Variants in PTPRS observed in about 807,000 individuals in gnomAD.
PTPRS encodes the protein receptor-type tyrosine-protein phosphatase S.
PTPRS carries 63 observed loss-of-function variants against 215.3 expected under a neutral mutation model. That is an observed-to-expected ratio of 0.29 (90% CI 0.24 to 0.36). PTPRS has a LOEUF of 0.36. Among genes scored for constraint, PTPRS ranks in the 10% least tolerant of loss-of-function variants. The pLI is 1.00. For missense variants in PTPRS, 2,258 were observed against 2,825.8 expected (o/e 0.80, Z 4.56); for synonymous variants, 1,404 against 1,191.4 (o/e 1.18, Z -3.68).
At position 5,332,286 on chromosome 19, in the gene PTPRS, C is replaced by T. The variant is rs537819921; in HGVS notation, c.-95+8378G>A. Among the ~76,000 whole-genome samples the T allele has an allele frequency of 2.6e-4, 40 of 152,236 alleles. No individual in the cohort carries two copies. In the South Asian group the frequency reaches 4.2e-3, roughly 16 times the overall value. ...GCGATTACAGGTATGCACCACCATG[C>T]CCAGATTATTTTTGTATTTTTAGTA... On this transcript the variant is annotated intron_variant, in intron 1 of 37. Transcript: ENST00000262963.
At chr19:5,213,716 T>TCCATGTAC (rs2041149025) in intron 30 of PTPRS, among the ~76,000 whole-genome samples, 5 of 152,176 alleles carry the variant, frequency 3.3e-5, no homozygotes, top group Non-Finnish European at 7.3e-5. Context: ...GTACTCAGTT[T>TCCATGTAC]TCTGGCACTT....
intron 13 of PTPRS, among the ~76,000 whole-genome samples, chr19:5,236,816 G>A (rs372648108): frequency 6.0e-4 from 91 of 150,624 alleles, no homozygotes; most frequent in Non-Finnish European, 1.0e-3. Flanking sequence ...AAAGGTGCCC[G>A]GGGGGTGCGG....
At chr19:5,311,932 G>A (rs774160938) in intron 1 of PTPRS, among the ~76,000 whole-genome samples, 1 of 151,912 alleles carries the variant, frequency 6.6e-6, no homozygotes. Flanking sequence ...CCCAGCTACT[G>A]GGGAGGCTGA....
intron 1 of PTPRS, among the ~76,000 whole-genome samples, chr19:5,297,854 A>G (rs539054037): frequency 6.2e-4 from 88 of 142,772 alleles, no homozygotes; most frequent in Middle Eastern, 7.2e-3. Flanking sequence ...GTGCAGTGGC[A>G]CGATCTCGGC....
chr19:5,335,332 T>C (rs1568626804), intron 1 of PTPRS, among the ~76,000 whole-genome samples: 1 of 152,184 alleles, frequency 6.6e-6, no homozygotes, highest in Admixed American at 6.5e-5. Context: ...GTACTGATCT[T>C]AGAGATGAGA....
chr19:5,208,014 C>T lies in PTPRS; in HGVS notation c.5686G>A (p.Val1896Met), dbSNP rs768615091. The T allele has an allele frequency of 8.1e-6, 13 of 1,613,854 alleles. No individual in the cohort carries two copies. The highest frequency in any genetic ancestry group is 1.7e-5 in the Admixed American group (1 of 60,010). ...CCTTCATACCGCATCCGCTCCAGCA[C>T]GATGCTAAGCGTGATGAAGACGCCC... is the stretch of plus-strand genomic sequence containing the variant. ...RTGVFITLSI[V>M]LERMRYEGVV... The change falls in exon 37 of 38, where the codon GTG becomes ATG. Residue 1896 changes from valine to methionine, a missense_variant. Transcript: ENST00000262963.
intron 9 of PTPRS, among the ~76,000 whole-genome samples, chr19:5,254,717 G>A (rs530273834): frequency 7.2e-5 from 11 of 152,274 alleles, no homozygotes; most frequent in South Asian, 2.1e-4. Context: ...GCCTGTGACC[G>A]GGCTCAGAGT....
intron 7 of PTPRS, among the ~76,000 whole-genome samples, chr19:5,259,963 C>T (rs2045856315): frequency 6.6e-6 from 1 of 152,146 alleles, no homozygotes. Flanking sequence ...CTAGGTCACA[C>T]AGCATTTGTA....
At chr19:5,238,087 A>C (rs1216052668) in intron 13 of PTPRS, among the ~76,000 whole-genome samples, 1 of 152,172 alleles carries the variant, frequency 6.6e-6, no homozygotes, top group Non-Finnish European at 1.5e-5. Context: ...GGGGGAGGCC[A>C]CGACAGAGAG....
intron 7 of PTPRS, among the ~76,000 whole-genome samples, chr19:5,259,115 C>T (rs537514783): frequency 3.3e-5 from 5 of 152,196 alleles, no homozygotes; most frequent in African/African-American, 1.2e-4. Flanking sequence ...GCTAAAATGC[C>T]CCAAGCCTGG....
At chr19:5,235,997 T>C (rs1423328050) in intron 13 of PTPRS, among the ~76,000 whole-genome samples, 1 of 152,232 alleles carries the variant, frequency 6.6e-6, no homozygotes, top group Non-Finnish European at 1.5e-5. Context: ...ATGTATTATC[T>C]CATTTAACGC....
chr19:5,272,300 T>TC (rs1355634733), intron 4 of PTPRS, among the ~76,000 whole-genome samples: 1 of 152,050 alleles, frequency 6.6e-6, no homozygotes, highest in Admixed American at 6.6e-5. Flanking sequence ...TGCGACTTGT[T>TC]CAAGAAATGC....
intron 7 of PTPRS, among the ~76,000 whole-genome samples, chr19:5,258,470 T>C (rs2045742379): frequency 1.3e-5 from 2 of 152,216 alleles, no homozygotes; most frequent in Admixed American, 6.5e-5. Flanking sequence ...GATGCTCTCC[T>C]GGCCAGAAGG....
rs756427032 is a variant in PTPRS at position 5,221,270 on chromosome 19, G to T, written c.3202-17C>A. 6.2e-7 allele frequency: 1 copy of T among 1,602,748 alleles called. No individual in the cohort carries two copies. The highest frequency in any genetic ancestry group is 1.1e-5 in the South Asian group (1 of 89,644). Reference sequence around the variant, plus strand: ...GTACTGGATCTGCGGACCAGGGCTAGCTCAGCAGGGCCTGGTGGGCTCATG... The same window carrying T: ...GTACTGGATCTGCGGACCAGGGCTATCTCAGCAGGGCCTGGTGGGCTCATG... On this transcript the variant is annotated splice_polypyrimidine_tract_variant and intron_variant, in intron 19 of 37. Transcript: ENST00000262963.
In PTPRS at chr19:5,222,841, G is replaced by A. The variant is rs776974729; in HGVS notation, c.2951C>T (p.Pro984Leu). The stretch of plus-strand genomic sequence containing the variant: ...CTCCGCGCCCGGCTCAGCCGCTGCC[G>A]GCAGCTCAGTCTCTCGGGCAGGGCC... ...ALGPARETEL[P>L]AAAEPGAENA... is the part of the protein sequence containing the mutation. The change falls in exon 18 of 38, where the codon CCG becomes CTG. Residue 984 changes from proline (P) to leucine (L), a missense_variant. Physicochemically the swap from Pro to Leu is moderately conservative, Grantham distance 98. Around this residue, in one of 6 missense-constraint regions of PTPRS, gnomAD observed 361 missense variants for 332.6 expected, o/e 1.09. Coordinates refer to ENST00000262963, the MANE Select transcript of PTPRS (RefSeq NM_002850.4). 6.7e-5 allele frequency: 107 copies of A among 1,593,780 alleles called. No individual in the cohort carries two copies. The highest frequency in any genetic ancestry group is 3.9e-4 in the African/African-American group (29 of 74,408).
intron 13 of PTPRS, among the ~76,000 whole-genome samples, chr19:5,233,975 A>AAAAAAAAAAAAAAAAC (rs2043223951): frequency 7.3e-6 from 1 of 137,150 alleles, no homozygotes; most frequent in Non-Finnish European, 1.6e-5. Context: ...AAAAAAAAAA[A>AAAAAAAAAAAAAAAAC]AATCTATATG....
chr19:5,291,658 G>C (rs368093845), intron 1 of PTPRS, among the ~76,000 whole-genome samples: 1 of 151,878 alleles, frequency 6.6e-6, no homozygotes, highest in Non-Finnish European at 1.5e-5. Context: ...GAGCCTCTTC[G>C]CATGCAGGTC....
At chr19:5,250,884 C>G (rs902270419) in intron 9 of PTPRS, 1 of 140,622 alleles carries the variant, frequency 7.1e-6, no homozygotes, top group Admixed American at 7.9e-5. Context: ...AGGTAGGGAA[C>G]CCCGACAGTG....
intron 19 of PTPRS, among the ~76,000 whole-genome samples, chr19:5,221,889 G>C (rs1241415539): frequency 2.6e-5 from 4 of 152,142 alleles, no homozygotes; most frequent in African/African-American, 9.7e-5. Flanking sequence ...CCAAGGCTGA[G>C]CCCAACATTG....
Sources: allele counts gnomAD v4.1 joint callset (sites outside exome capture counted in the v4.1 genomes callset), GRCh38; gene constraint gnomAD v4.1.1; regional missense constraint gnomAD v4.1.1; transcripts MANE v1.5; gene names NCBI Gene and HGNC (gene_info 2026-07-23, HGNC 2026-07-21).